The following SPIN1 variants were observed in gnomAD, a reference collection of about 807,000 sequenced individuals.
SPIN1 encodes the protein spindlin 1.
A neutral mutation model predicts 26.0 loss-of-function variants in SPIN1; 3 were observed. That is an observed-to-expected ratio of 0.12 (90% CI 0.05 to 0.30). SPIN1 has a LOEUF of 0.30. Ranked by LOEUF, SPIN1 falls within the 10% of genes least tolerant of loss-of-function variation. SPIN1 has a pLI of 1.00. For synonymous variants in SPIN1, 101 were observed against 116.5 expected (o/e 0.87, Z 0.86); for missense variants, 126 against 333.4 (o/e 0.38, Z 4.84).
rs1211279469 is a variant in SPIN1 at position 88,424,178 on chromosome 9, T to C, written c.-158-2204T>C. On this transcript the variant is annotated intron_variant, in intron 1 of 5. Coordinates refer to ENST00000375859, the MANE Select transcript of SPIN1 (RefSeq NM_006717.3). ...CAGGGTTGAATGTGGCTCAGAGATA[T>C]TGCATCTTTTATTATGGAGACAAAG... Among the ~76,000 whole-genome samples the C allele has an allele frequency of 2.6e-5, 4 of 152,244 alleles. No individual in the cohort carries two copies. The East Asian group carries it at 5.8e-4, about 22-fold the overall frequency.
intron 2 of SPIN1, among the ~76,000 whole-genome samples, chr9:88,447,806 G>C (rs1477424853): frequency 6.6e-6 from 1 of 152,076 alleles, no homozygotes; most frequent in African/African-American, 2.4e-5. Flanking sequence ...TGGTGTTCTT[G>C]GTTCCCCCTT....
At chr9:88,412,540 A>G (rs1827471692) in intron 1 of SPIN1, among the ~76,000 whole-genome samples, 1 of 152,164 alleles carries the variant, frequency 6.6e-6, no homozygotes, top group African/African-American at 2.4e-5. Context: ...ACCGTTTGCC[A>G]GTTTTATGAA....
chr9:88,420,563 G>T (rs1403203095), intron 1 of SPIN1, among the ~76,000 whole-genome samples: 1 of 152,172 alleles, frequency 6.6e-6, no homozygotes, highest in East Asian at 1.9e-4. Context: ...TACAAGGTTG[G>T]TTTATGAGTT....
chr9:88,472,580 A>T (rs189313853), intron 5 of SPIN1, among the ~76,000 whole-genome samples: 1 of 135,064 alleles, frequency 7.4e-6, no homozygotes, highest in Non-Finnish European at 1.6e-5. Flanking sequence ...ACAACCTCCA[A>T]CTCCCAGGTT....
intron 1 of SPIN1, among the ~76,000 whole-genome samples, chr9:88,418,619 A>G (rs942623157): frequency 6.6e-6 from 1 of 152,228 alleles, no homozygotes; most frequent in Non-Finnish European, 1.5e-5. Flanking sequence ...AGCAGGCAAC[A>G]AATACTTTGA....
Position 88,477,801 on chromosome 9 carries a change from C to T in SPIN1, c.*2524C>T, listed in dbSNP as rs1413536572. ...ACATGAATCTATGTATAAAATTTAT[C>T]GGCCTTTCTCATTTACCTGCTCTAG... On this transcript the variant is annotated 3_prime_UTR_variant, in exon 6 of 6. Coordinates refer to ENST00000375859, the MANE Select transcript of SPIN1 (RefSeq NM_006717.3). The T allele has an allele frequency of 6.6e-6, 1 of 152,398 alleles. No individual in the cohort carries two copies. 9.4% of individuals were successfully genotyped at this position (152,398 alleles called of 1,614,324 possible).
At chr9:88,413,962 A>G (rs2117972112) in intron 1 of SPIN1, among the ~76,000 whole-genome samples, 1 of 152,138 alleles carries the variant, frequency 6.6e-6, no homozygotes, top group East Asian at 1.9e-4. Flanking sequence ...CATCACACTC[A>G]AGTTTGATAA....
At chr9:88,424,994 G>C (rs1827737644) in intron 1 of SPIN1, among the ~76,000 whole-genome samples, 1 of 152,192 alleles carries the variant, frequency 6.6e-6, no homozygotes, top group African/African-American at 2.4e-5. Flanking sequence ...TATGGCATGT[G>C]CTTCTAGGGT....
At chr9:88,433,201 T>TC (rs1349103352) in intron 2 of SPIN1, among the ~76,000 whole-genome samples, 1 of 152,160 alleles carries the variant, frequency 6.6e-6, no homozygotes, top group Non-Finnish European at 1.5e-5. Context: ...CACCTCAGCC[T>TC]CCTGAGTAGC....
intron 1 of SPIN1, among the ~76,000 whole-genome samples, chr9:88,390,685 A>G (rs1327733778): frequency 6.6e-6 from 1 of 152,218 alleles, no homozygotes; most frequent in African/African-American, 2.4e-5. Flanking sequence ...TATTTCGTGC[A>G]AGTATTTTGT....
In SPIN1 at chr9:88,438,105, C is replaced by T. The variant is rs540868186; in HGVS notation, c.53-10836C>T. ...GGCAGAATTTGCAGTGCATCGAGATCATGCTGCTGCACTCCAGCCTGGGCC... is the reference window on the plus strand; with the variant it reads ...GGCAGAATTTGCAGTGCATCGAGATTATGCTGCTGCACTCCAGCCTGGGCC... On this transcript the variant is annotated intron_variant, in intron 2 of 5. Transcript: ENST00000375859. Among the ~76,000 whole-genome samples the T allele has an allele frequency of 2.6e-5, 4 of 151,364 alleles. No individual in the cohort carries two copies. The South Asian group carries it at 8.4e-4, about 32-fold the overall frequency.
At chr9:88,419,129 C>G (rs906320894) in intron 1 of SPIN1, among the ~76,000 whole-genome samples, 1 of 152,116 alleles carries the variant, frequency 6.6e-6, no homozygotes, top group African/African-American at 2.4e-5. Flanking sequence ...ATGTTCAATT[C>G]TTTGCCTTCT....
chr9:88,436,554 C>T (rs573260413), intron 2 of SPIN1, among the ~76,000 whole-genome samples: 1 of 152,192 alleles, frequency 6.6e-6, no homozygotes, highest in East Asian at 1.9e-4. Context: ...CTTGATGTTT[C>T]ACTACCCTGA....
chr9:88,464,778 T>A (rs1188425750), intron 4 of SPIN1, among the ~76,000 whole-genome samples: 1 of 152,162 alleles, frequency 6.6e-6, no homozygotes, highest in Non-Finnish European at 1.5e-5. Flanking sequence ...AGCATAAAAT[T>A]TACTGTCCTA....
intron 2 of SPIN1, among the ~76,000 whole-genome samples, chr9:88,441,480 G>A (rs1828128489): frequency 6.7e-6 from 1 of 148,994 alleles, no homozygotes; most frequent in South Asian, 2.1e-4. Flanking sequence ...GGCCAGGCCA[G>A]TATGCTGTGG....
rs1158595405 is a variant in SPIN1 at position 88,405,889 on chromosome 9, G to A, written c.-159+17351G>A. On this transcript the variant is annotated intron_variant, in intron 1 of 5. Coordinates refer to ENST00000375859, the MANE Select transcript of SPIN1 (RefSeq NM_006717.3). ...GTCTCGCTCTGGCCAAGGCTGGAGTGCAGTGGTGCCATCTTGGCTCACTGC... is the reference window on the plus strand; with the variant it reads ...GTCTCGCTCTGGCCAAGGCTGGAGTACAGTGGTGCCATCTTGGCTCACTGC... Among the ~76,000 whole-genome samples, 3 of 151,964 alleles carry A rather than the reference G, an allele frequency of 2.0e-5. 1 individual carries two copies. Among genetic ancestry groups the A allele is most frequent in the Non-Finnish European group, 4.4e-5 (3 of 67,968 alleles).
At chr9:88,449,267 T>C (rs1564037166) in intron 3 of SPIN1, among the ~76,000 whole-genome samples, 1 of 151,924 alleles carries the variant, frequency 6.6e-6, no homozygotes, top group Non-Finnish European at 1.5e-5. Context: ...GGCAGGTGCA[T>C]GGTGAACCTC....
chr9:88,475,031 A>G (rs1480195883), intron 5 of SPIN1, 47 bp from the exon 6 acceptor site: 1 of 1,426,554 alleles, frequency 7.0e-7, no homozygotes, highest in East Asian at 2.6e-5. Context: ...TTGACTTAGA[A>G]ATTTTCTCTC....
chr9:88,418,113 G>A (rs1292236234), intron 1 of SPIN1, among the ~76,000 whole-genome samples: 14 of 152,030 alleles, frequency 9.2e-5, no homozygotes, highest in Admixed American at 9.2e-4. Flanking sequence ...TGATTATGTC[G>A]TTGCCCACTG....
Sources: gnomAD v4.1 joint callset for allele counts (sites outside exome capture counted in the v4.1 genomes callset) on GRCh38, gnomAD v4.1.1 for gene constraint, MANE v1.5 for transcripts, NCBI Gene and HGNC (gene_info 2026-07-23, HGNC 2026-07-21) for gene names.